MTREX: variants seen among roughly 807,000 people sequenced by gnomAD.
MTREX encodes the protein Mtr4 exosome RNA helicase.
Under a neutral mutation model 135.4 loss-of-function variants are expected in MTREX, and 76 were observed. The ratio of observed to expected loss-of-function variants is 0.56; its 90% confidence interval spans 0.47 to 0.68. MTREX has a LOEUF of 0.68. Among genes scored for constraint, MTREX ranks in the 30% least tolerant of loss-of-function variants. MTREX has a pLI of 0.00. For missense variants in MTREX, 920 were observed against 1,262.1 expected (o/e 0.73, Z 4.11); for synonymous variants, 404 against 401.6 (o/e 1.01, Z -0.07).
At chr5:55,410,227 A>G (rs929019271) in intron 22 of MTREX, among the ~76,000 whole-genome samples, 1 of 152,300 alleles carries the variant, frequency 6.6e-6, no homozygotes. Context: ...TAGAAAATAA[A>G]TGACAGTGAT....
At chr5:55,394,915 C>G (rs944544865) in intron 19 of MTREX, among the ~76,000 whole-genome samples, 2 of 151,752 alleles carry the variant, frequency 1.3e-5, no homozygotes, top group Admixed American at 6.6e-5. Flanking sequence ...TGCCTGTAGT[C>G]CCAGCTACTC....
intron 16 of MTREX, among the ~76,000 whole-genome samples, chr5:55,369,100 T>C (rs1272351013): frequency 6.6e-6 from 1 of 150,534 alleles, no homozygotes; most frequent in Non-Finnish European, 1.5e-5. Flanking sequence ...CCACCAAAAA[T>C]TGTATTAATA....
intron 8 of MTREX, among the ~76,000 whole-genome samples, chr5:55,343,970 C>A (rs1010641863): frequency 6.6e-6 from 1 of 152,004 alleles, no homozygotes; most frequent in Non-Finnish European, 1.5e-5. Flanking sequence ...TTTATTCTTG[C>A]TTTTATTTTT....
chr5:55,383,617 T>G (rs1272724120), intron 18 of MTREX, among the ~76,000 whole-genome samples: 5 of 152,228 alleles, frequency 3.3e-5, no homozygotes, highest in Admixed American at 2.0e-4. Flanking sequence ...TTGATTTGGC[T>G]TTCCACATTT....
At chr5:55,371,694 A>T (rs926370852) in intron 16 of MTREX, among the ~76,000 whole-genome samples, 2 of 152,156 alleles carry the variant, frequency 1.3e-5, no homozygotes, top group Non-Finnish European at 2.9e-5. Flanking sequence ...TAATTTATGT[A>T]TTTGTTTTCT....
chr5:55,312,732 T>G lies in MTREX; in HGVS notation c.134+4585T>G, dbSNP rs7727733. ...ATACCTCCATCTGTTACTGGACATT[T>G]GAGTTGTTTCTGTTACGTTTTCTGA... On this transcript the variant is annotated intron_variant, in intron 1 of 26. Coordinates refer to ENST00000230640, the MANE Select transcript of MTREX (RefSeq NM_015360.5). Among the ~76,000 whole-genome samples, 1,340 of 152,342 alleles carry G rather than the reference T, an allele frequency of 8.8e-3. 14 individuals are homozygous for G. The highest frequency in any genetic ancestry group is 0.031 in the African/African-American group (1,290 of 41,564).
intron 5 of MTREX, among the ~76,000 whole-genome samples, chr5:55,334,395 C>G (rs540632063): frequency 2.2e-4 from 34 of 152,176 alleles, no homozygotes; most frequent in Non-Finnish European, 4.0e-4. Context: ...ATGTTGCACA[C>G]CAGATCTCAC....
At chr5:55,329,869 C>T (rs950503609) in intron 5 of MTREX, among the ~76,000 whole-genome samples, 4 of 150,546 alleles carry the variant, frequency 2.7e-5, no homozygotes, top group African/African-American at 9.7e-5. Flanking sequence ...TTTTTCTTGT[C>T]TTTGGGTTTG....
At chr5:55,337,236 T>A (rs1463370106) in intron 5 of MTREX, among the ~76,000 whole-genome samples, 1 of 152,110 alleles carries the variant, frequency 6.6e-6, no homozygotes, top group Non-Finnish European at 1.5e-5. Context: ...TGCTCCCACC[T>A]CAGCCACCTT....
intron 1 of MTREX, among the ~76,000 whole-genome samples, chr5:55,317,807 C>G (rs968467161): frequency 3.3e-5 from 5 of 152,138 alleles, no homozygotes; most frequent in African/African-American, 1.2e-4. Context: ...AGCTTCCATA[C>G]AGCAAAAGAA....
At chr5:55,336,886 T>C (rs1032344029) in intron 5 of MTREX, among the ~76,000 whole-genome samples, 5 of 152,212 alleles carry the variant, frequency 3.3e-5, no homozygotes, top group African/African-American at 4.8e-5. Context: ...GATTTTCTTA[T>C]AAAGTCTTTG....
intron 2 of MTREX, 100 bp from the exon 3 acceptor site, chr5:55,324,032 T>C (rs894203868): frequency 1.2e-6 from 1 of 805,366 alleles, no homozygotes. Flanking sequence ...ATACTGATGA[T>C]TGGACAGTGT....
intron 5 of MTREX, among the ~76,000 whole-genome samples, chr5:55,336,037 T>C (rs1232440129): frequency 6.6e-6 from 1 of 152,200 alleles, no homozygotes; most frequent in African/African-American, 2.4e-5. Context: ...CTTAAGGTCA[T>C]ATTTGGATTG....
At chr5:55,339,761 G>A (rs540951598) in intron 5 of MTREX, among the ~76,000 whole-genome samples, 1 of 152,292 alleles carries the variant, frequency 6.6e-6, no homozygotes, top group African/African-American at 2.4e-5. Context: ...ATAGGTAACT[G>A]TTAGTAATCT....
At chr5:55,340,255 G>A in intron 6 of MTREX, 71 bp downstream of exon 6, 2 of 1,271,704 alleles carry the variant, frequency 1.6e-6, no homozygotes, top group Non-Finnish European at 2.1e-6. Context: ...GTTAGAACCT[G>A]GGAAGTTTTA....
At chr5:55,353,310 T>C (rs986887756) in intron 14 of MTREX, 41 bp downstream of exon 14, 2 of 1,335,206 alleles carry the variant, frequency 1.5e-6, no homozygotes, top group Non-Finnish European at 2.1e-6. Flanking sequence ...TTTTTGTCTT[T>C]GTTATACTAT....
intron 19 of MTREX, among the ~76,000 whole-genome samples, chr5:55,396,828 G>A (rs1284928446): frequency 6.6e-6 from 1 of 152,188 alleles, no homozygotes; most frequent in East Asian, 1.9e-4. Flanking sequence ...CATTAACTTT[G>A]CCTCAGTTTA....
chr5:55,408,039 G>A (rs1397396296), intron 22 of MTREX, among the ~76,000 whole-genome samples: 1 of 152,110 alleles, frequency 6.6e-6, no homozygotes, highest in African/African-American at 2.4e-5. Context: ...TTACAGGTGT[G>A]AGCCACTTCA....
chr5:55,400,171 T>G, intron 20 of MTREX, 62 bp from the exon 21 acceptor site: 2 of 1,234,722 alleles, frequency 1.6e-6, no homozygotes, highest in Non-Finnish European at 2.2e-6. Context: ...GAAACACTGA[T>G]TTGGTTTGGT....
Sources: gnomAD v4.1 joint callset for allele counts (sites outside exome capture counted in the v4.1 genomes callset) on GRCh38, gnomAD v4.1.1 for gene constraint, MANE v1.5 for transcripts, NCBI Gene and HGNC (gene_info 2026-07-23, HGNC 2026-07-21) for gene names.